The following FBXL15 variants were observed in gnomAD, a reference collection of about 807,000 sequenced individuals.
The protein encoded by FBXL15 is F-box/LRR-repeat protein 15.
Under a neutral mutation model 23.6 loss-of-function variants are expected in FBXL15, and 19 were observed. That is an observed-to-expected ratio of 0.81 (90% CI 0.56 to 1.18). The LOEUF (loss-of-function observed/expected upper bound fraction) is 1.18, where lower values mean the gene tolerates loss of function less well. Among genes scored for constraint, FBXL15 ranks in the 50% most tolerant of loss-of-function variants. FBXL15 has a pLI of 0.00. For missense variants in FBXL15, 385 were observed against 425.4 expected, an observed-to-expected ratio of 0.91 and a Z score of 0.83; for synonymous variants, 224 against 207.7, an observed-to-expected ratio of 1.08 and a Z score of -0.67.
At position 102,422,096 on chromosome 10, in the gene FBXL15, C is replaced by T. The variant is rs766988266; in HGVS notation, c.517C>T (p.Leu173Phe). 2 of 1,570,772 alleles carry T rather than the reference C, an allele frequency of 1.3e-6. No homozygotes were observed. Among genetic ancestry groups the T allele is most frequent in the Non-Finnish European group, 1.7e-6 (2 of 1,160,390 alleles). ...CTGCCCGGCCCTGGAGGAGCTGGAT[C>T]TCACCGCCTGCCGCCAGCTCAAGGA... is the stretch of plus-strand genomic sequence containing the variant. ...DRCPALEELDLTACRQLKDEA... is the reference protein window; with the variant it reads ...DRCPALEELDFTACRQLKDEA... The change falls in exon 3 of 4, where the codon CTC (leucine) becomes TTC (phenylalanine). Residue 173 changes from leucine (L) to phenylalanine (F), a missense_variant. Around this residue, in one of 2 missense-constraint regions of FBXL15, gnomAD observed 255 missense variants for 330.2 expected, o/e 0.77. Coordinates refer to ENST00000369956, the MANE Select transcript of FBXL15 (RefSeq NM_024326.4).
rs763699766 is a variant in FBXL15, at chr10:102,421,142, A to G, written c.13A>G (p.Met5Val). The G allele has an allele frequency of 1.9e-6, 3 of 1,611,132 alleles. No individual in the cohort carries two copies. Among genetic ancestry groups the G allele is most frequent in the Non-Finnish European group, 2.5e-6 (3 of 1,178,706 alleles). Residue 5 changes from methionine (M) to valine (V), a missense_variant, in exon 1 of 4, where the codon ATG (methionine) becomes GTG (valine). Met to Val is a conservative substitution (Grantham distance 21). Coordinates refer to ENST00000369956, the MANE Select transcript of FBXL15 (RefSeq NM_024326.4). MEPP[M>V]EPSGGEQEPG... ...CAATAGACAGCCGATGGAGCCACCG[A>G]TGGAGCCGTCCGGAGGGGAGCAAGA...
chr10:102,421,199 G>T lies in FBXL15; in HGVS notation c.53+17G>T. The T allele has an allele frequency of 6.2e-7, 1 of 1,604,776 alleles. No homozygotes were observed. The highest frequency in any genetic ancestry group is 8.5e-7 in the Non-Finnish European group (1 of 1,175,800). On this transcript the variant is annotated intron_variant, in intron 1 of 3. Coordinates refer to ENST00000369956, the MANE Select transcript of FBXL15 (RefSeq NM_024326.4). Reference sequence around the variant, plus strand: ...AGCCGTCAGGTACCGAGCACCGGAGGGGCCGAGAGGGAAGAGGAACCTGAG... The same window carrying T: ...AGCCGTCAGGTACCGAGCACCGGAGTGGCCGAGAGGGAAGAGGAACCTGAG...
rs1390938464 is a variant in FBXL15 at position 102,422,896 on chromosome 10, G to A, written c.806G>A (p.Arg269His). ...AESSLSRLRK[R>H]GVDIDVEPPL... ...TCCAGCCTGAGCCGCTTGCGGAAGC[G>A]CGGCGTGGACATCGACGTGGAGCCG... is the stretch of plus-strand genomic sequence containing the variant. Residue 269 changes from arginine (R) to histidine (H), a missense_variant, in exon 4 of 4, where the codon CGC becomes CAC. Coordinates refer to ENST00000369956, the MANE Select transcript of FBXL15 (RefSeq NM_024326.4). 1.9e-6 allele frequency: 3 copies of A among 1,609,228 alleles called. No homozygotes were observed. The highest frequency in any genetic ancestry group is 4.5e-5 in the East Asian group (2 of 44,732).
chr10:102,422,226 G>C lies in FBXL15; in HGVS notation c.647G>C (p.Arg216Pro). The C allele has an allele frequency of 1.3e-6, 2 of 1,522,752 alleles. No individual in the cohort carries two copies. Among genetic ancestry groups the C allele is most frequent in the South Asian group, 1.3e-5 (1 of 77,730 alleles). 94.3% of individuals were successfully genotyped at this position (1,522,752 alleles called of 1,614,324 possible). ...GACGCCGCGGTTCAAGAGTTGGCTC[G>C]GAACTGCCCAGAACTCCACCACCTT... ...VGDAAVQELA[R>P]NCPELHHLDL... Residue 216 changes from arginine to proline, a missense_variant, in exon 3 of 4, where the codon CGG (arginine) becomes CCG (proline). Arg to Pro is a moderately radical substitution (Grantham distance 103). Coordinates refer to ENST00000369956, the MANE Select transcript of FBXL15 (RefSeq NM_024326.4).
Position 102,421,258 on chromosome 10 carries a change from C to T in FBXL15, c.53+76C>T, listed in dbSNP as rs2061558122. On this transcript the variant is annotated intron_variant, in intron 1 of 3. Coordinates refer to ENST00000369956, the MANE Select transcript of FBXL15 (RefSeq NM_024326.4). ...GCCGAGCCGGGGCTGGGTCTGGGGG[C>T]CGCTCTTGGGAGCTGGGGCGCAGGA... The T allele has an allele frequency of 1.9e-6, 3 of 1,574,960 alleles. No individual in the cohort carries two copies. In the South Asian group the frequency reaches 3.4e-5, roughly 18 times the overall value.
intron 3 of FBXL15, 89 bp from the exon 4 acceptor site, chr10:102,422,715 T>C: frequency 7.2e-7 from 1 of 1,392,486 alleles, no homozygotes; most frequent in Non-Finnish European, 9.7e-7. Flanking sequence ...CCGGAGCCAG[T>C]CCGAGGCTGA....
rs757556516 is a variant in FBXL15 at position 102,421,917 on chromosome 10, AT to A, written c.339del (p.Pro114ArgfsTer14). 6.2e-7 allele frequency: 1 copy of A among 1,605,776 alleles called. No homozygotes were observed. Among genetic ancestry groups the A allele is most frequent in the East Asian group, 2.2e-5 (1 of 44,804 alleles). ...DEDLVPVLAR[N>X]PQLRSVALGG... ...GACCTGGTGCCGGTGCTGGCGCGGAATCCGCAGCTGCGGAGTGTGGCGTTGG... is the reference window on the plus strand; with the variant it reads ...GACCTGGTGCCGGTGCTGGCGCGGAACCGCAGCTGCGGAGTGTGGCGTTGG... On this transcript the variant is annotated frameshift_variant, in exon 3 of 4. Transcript: ENST00000369956. LOFTEE classifies it high-confidence loss of function.
rs2061581565 is a variant in FBXL15, at chr10:102,423,116, A to G, written c.*123A>G. The G allele has an allele frequency of 1.8e-6, 2 of 1,094,438 alleles. No individual in the cohort carries two copies. The highest frequency in any genetic ancestry group is 2.9e-5 in the Admixed American group (1 of 34,640). The allele number at this position is 1,094,438 out of a possible 1,614,324, so 67.8% of individuals were successfully genotyped here. The stretch of plus-strand genomic sequence containing the variant: ...TGCCCTGCCCCACCCTGGAGCTTCA[A>G]ATAAAGAGCTTTTTACCCCCTCTTG... On this transcript the variant is annotated 3_prime_UTR_variant, in exon 4 of 4. Coordinates refer to ENST00000369956, the MANE Select transcript of FBXL15 (RefSeq NM_024326.4). The surrounding 1 kb of genome is among the most constrained non-coding windows in gnomAD (Gnocchi z 5.6).
chr10:102,421,627 T>A, intron 2 of FBXL15, 120 bp downstream of exon 2: 2 of 1,421,702 alleles, frequency 1.4e-6, no homozygotes, highest in Non-Finnish European at 1.8e-6. Flanking sequence ...CCGGAAGGGA[T>A]CCACGCACCA....
At position 102,422,044 on chromosome 10, in the gene FBXL15, G is replaced by C. The variant is rs774570356; in HGVS notation, c.465G>C (p.Gly155=). 3 of 1,593,048 alleles carry C rather than the reference G, an allele frequency of 1.9e-6. No individual in the cohort carries two copies. Among genetic ancestry groups the C allele is most frequent in the Admixed American group, 1.7e-5 (1 of 59,022 alleles). Reference sequence around the variant, plus strand: ...TCGCGCACTGTGACTGGGTGGACGGGCTGGCGCTGCGCGGCCTCGCTGATC... The same window carrying C: ...TCGCGCACTGTGACTGGGTGGACGGCCTGGCGCTGCGCGGCCTCGCTGATC... ...LSLAHCDWVD[G]LALRGLADRC... Residue 155 remains glycine (G), a synonymous_variant, in exon 3 of 4, where the codon GGG becomes GGC. Transcript: ENST00000369956.
rs767138906 is a variant in FBXL15, at chr10:102,422,309, G to C, written c.713+17G>C. 2.6e-5 allele frequency: 39 copies of C among 1,492,066 alleles called. No homozygotes were observed. The highest frequency in any genetic ancestry group is 3.3e-5 in the Non-Finnish European group (37 of 1,121,892). The allele number at this position is 1,492,066 out of a possible 1,614,324, so 92.4% of individuals were successfully genotyped here. A position where few individuals can be genotyped will look rare whatever the true frequency, so the allele number is the denominator to read the frequency against. ...CGGTGTCAGGTGCCTGGGCCTGATA[G>C]GGCGGGAGGAGGGCAGTCACTTAGC... On this transcript the variant is annotated intron_variant, in intron 3 of 3. Coordinates refer to ENST00000369956, the MANE Select transcript of FBXL15 (RefSeq NM_024326.4).
chr10:102,421,327 C>T, intron 1 of FBXL15, 27 bp from the exon 2 acceptor site: 1 of 1,553,010 alleles, frequency 6.4e-7, no homozygotes, highest in Non-Finnish European at 8.7e-7. Context: ...CCCCGGGACG[C>T]CAGTGCCAAC....
Position 102,422,170 on chromosome 10 carries a change from C to T in FBXL15, c.591C>T (p.Ser197=). The T allele has an allele frequency of 6.5e-7, 1 of 1,546,554 alleles. No individual in the cohort carries two copies. Among genetic ancestry groups the T allele is most frequent in the Non-Finnish European group, 8.7e-7 (1 of 1,145,610 alleles). The change falls in exon 3 of 4, where the codon AGC becomes AGT. Residue 197 remains serine, a synonymous_variant. Coordinates refer to ENST00000369956, the MANE Select transcript of FBXL15 (RefSeq NM_024326.4). ...AGAGGCGCGGCGCTGGTCTCCGCAG[C>T]CTCTCTCTGGCCGTCAACGCCAACG... ...LAQRRGAGLR[S]LSLAVNANVG...
intron 2 of FBXL15, 119 bp from the exon 3 acceptor site, chr10:102,421,668 G>T: frequency 6.9e-7 from 1 of 1,439,880 alleles, no homozygotes; most frequent in Non-Finnish European, 9.1e-7. Context: ...GACTCAGAGG[G>T]AAAGTGGGGT....
At position 102,421,149 on chromosome 10, in the gene FBXL15, C is replaced by T. The variant is rs1290453489; in HGVS notation, c.20C>T (p.Pro7Leu). The T allele has an allele frequency of 5.6e-6, 9 of 1,611,368 alleles. No individual in the cohort carries two copies. The highest frequency in any genetic ancestry group is 7.6e-6 in the Non-Finnish European group (9 of 1,178,892). ...CAGCCGATGGAGCCACCGATGGAGCCGTCCGGAGGGGAGCAAGAGCCCGGA... is the reference window on the plus strand; with the variant it reads ...CAGCCGATGGAGCCACCGATGGAGCTGTCCGGAGGGGAGCAAGAGCCCGGA... MEPPME[P>L]SGGEQEPGAV... is the part of the protein sequence containing the mutation. The change falls in exon 1 of 4, where the codon CCG becomes CTG. Residue 7 changes from proline to leucine, a missense_variant. Coordinates refer to ENST00000369956, the MANE Select transcript of FBXL15 (RefSeq NM_024326.4).
chr10:102,421,171 C>T lies in FBXL15; in HGVS notation c.42C>T (p.Pro14=), dbSNP rs756007373. Residue 14 remains proline, a synonymous_variant, in exon 1 of 4, where the codon CCC becomes CCT. Transcript: ENST00000369956. ...AGCCGTCCGGAGGGGAGCAAGAGCC[C>T]GGAGCCGTCAGGTACCGAGCACCGG... ...PMEPSGGEQE[P]GAVRFLDLPW... 1.9e-6 allele frequency: 3 copies of T among 1,610,690 alleles called. No homozygotes were observed. The highest frequency in any genetic ancestry group is 1.7e-6 in the Non-Finnish European group (2 of 1,178,606).
Position 102,421,445 on chromosome 10 carries a change from C to T in FBXL15, c.145C>T (p.Arg49Trp), listed in dbSNP as rs765432069. The change falls in exon 2 of 4, where the codon CGG becomes TGG. Residue 49 changes from arginine to tryptophan, a missense_variant. By Grantham distance (101) the Arg-to-Trp change is moderately radical. Around this residue, in one of 2 missense-constraint regions of FBXL15, gnomAD observed 130 missense variants for 95.1 expected, o/e 1.37. Coordinates refer to ENST00000369956, the MANE Select transcript of FBXL15 (RefSeq NM_024326.4). ...GCTGCTCCGGCTGCAGCGCGTTAGC[C>T]GGGCCTTCCGGTCGCTGGTGCAGCT... is the stretch of plus-strand genomic sequence containing the variant. ...RQLLRLQRVS[R>W]AFRSLVQLHL... 8 of 1,540,674 alleles carry T rather than the reference C, an allele frequency of 5.2e-6. No individual in the cohort carries two copies. Among genetic ancestry groups the T allele is most frequent in the Non-Finnish European group, 7.0e-6 (8 of 1,145,926 alleles).
In FBXL15 at chr10:102,422,042, G is replaced by C; in HGVS notation, c.463G>C (p.Gly155Arg). The change falls in exon 3 of 4, where the codon GGG (glycine) becomes CGG (arginine). Residue 155 changes from glycine to arginine, a missense_variant. By Grantham distance (125) the Gly-to-Arg change is moderately radical. This residue lies in a region of FBXL15 where 255 missense variants were observed against 330.2 expected (regional missense o/e 0.77). Coordinates refer to ENST00000369956, the MANE Select transcript of FBXL15 (RefSeq NM_024326.4). ...LSLAHCDWVD[G>R]LALRGLADRC... ...GCTCGCGCACTGTGACTGGGTGGAC[G>C]GGCTGGCGCTGCGCGGCCTCGCTGA... 1 of 1,593,644 alleles carries C rather than the reference G, an allele frequency of 6.3e-7. No individual in the cohort carries two copies. Among genetic ancestry groups the C allele is most frequent in the Non-Finnish European group, 8.5e-7 (1 of 1,175,530 alleles).
intron 3 of FBXL15, 125 bp downstream of exon 3, chr10:102,422,417 T>A (rs1344822852): frequency 8.1e-7 from 1 of 1,229,660 alleles, no homozygotes; most frequent in Non-Finnish European, 1.1e-6. Context: ...AGCACCCCCA[T>A]TCTGAACAGA....
Sources: gnomAD v4.1 joint callset for allele counts on GRCh38, gnomAD v4.1.1 for gene constraint, gnomAD v4.1.1 regional missense constraint, Gnocchi (gnomAD v3.1) non-coding constraint, MANE v1.5 for transcripts, NCBI Gene and HGNC (gene_info 2026-07-23, HGNC 2026-07-21) for gene names.